The following TEX11 variants were observed in gnomAD, a reference collection of about 807,000 sequenced individuals.
The protein encoded by TEX11 is testis-expressed protein 11.
TEX11 carries 7 observed loss-of-function variants against 84.4 expected under a neutral mutation model. The ratio of observed to expected loss-of-function variants is 0.08; its 90% confidence interval spans 0.05 to 0.16. The LOEUF (loss-of-function observed/expected upper bound fraction) is 0.16, where lower values mean the gene tolerates loss of function less well. TEX11 is among the 10% of genes least tolerant of loss of function. The probability of loss-of-function intolerance (pLI) is 1.00; values close to 1 mark genes in which losing one functional copy is unlikely to be tolerated. For missense variants in TEX11, 551 were observed against 660.5 expected, an observed-to-expected ratio of 0.83 and a Z score of 1.82; for synonymous variants, 264 against 222.8, an observed-to-expected ratio of 1.18 and a Z score of -1.64.
At chrX:70,590,795 T>C (rs1035894012) in intron 25 of TEX11, among the ~76,000 whole-genome samples, 1 of 112,006 alleles carries the variant, frequency 8.9e-6, no homozygotes, top group Non-Finnish European at 1.9e-5. Flanking sequence ...TTGCCCAGGC[T>C]GGAGTGCAAT....
chrX:70,715,946 T>C (rs1162634116), intron 13 of TEX11, among the ~76,000 whole-genome samples: 1 of 112,770 alleles, frequency 8.9e-6, no homozygotes, highest in African/African-American at 3.2e-5. Context: ...TCTTTGATGA[T>C]GGTGACAAAC....
downstream of TEX11, among the ~76,000 whole-genome samples, chrX:70,528,130 G>A (rs2087840440): frequency 9.0e-6 from 1 of 111,539 alleles, no homozygotes; most frequent in South Asian, 3.8e-4. Context: ...CCTCGAAGGA[G>A]AAAAAGCCTG....
chrX:70,730,302 A>G (rs985654369), intron 11 of TEX11, among the ~76,000 whole-genome samples: 1 of 111,973 alleles, frequency 8.9e-6, no homozygotes, highest in Admixed American at 9.5e-5. Flanking sequence ...ACGCATAACA[A>G]CATTAACCTT....
intron 8 of TEX11, among the ~76,000 whole-genome samples, chrX:70,819,707 G>T (rs144823690): frequency 9.0e-6 from 1 of 111,554 alleles, no homozygotes; most frequent in Non-Finnish European, 1.9e-5. Flanking sequence ...AAAAAAGTTA[G>T]AACTAATAAA....
At chrX:70,848,568 G>A (rs1253095778) in intron 7 of TEX11, among the ~76,000 whole-genome samples, 1 of 111,425 alleles carries the variant, frequency 9.0e-6, no homozygotes, top group Non-Finnish European at 1.9e-5. Context: ...TCTTTTGATA[G>A]GATGGGGGGT....
intron 9 of TEX11, among the ~76,000 whole-genome samples, chrX:70,800,821 T>C (rs999570163): frequency 2.5e-4 from 27 of 108,971 alleles, no homozygotes; most frequent in Admixed American, 2.4e-3. Flanking sequence ...GCCTTTCAAG[T>C]AGCTGGGACT....
chrX:70,515,352 T>C, the TEX11 span, among the ~76,000 whole-genome samples: 1 of 103,407 alleles, frequency 9.7e-6, no homozygotes, highest in Non-Finnish European at 2.0e-5. Context: ...TTCCCACCTA[T>C]GAGTGAGAAC....
intron 2 of TEX11, among the ~76,000 whole-genome samples, chrX:70,880,901 G>A (rs2091678825): frequency 9.4e-6 from 1 of 106,066 alleles, no homozygotes; most frequent in Non-Finnish European, 1.9e-5. Flanking sequence ...TAGCTGGGCA[G>A]GATGCTCCAC....
chrX:70,837,584 A>G (rs767447546), intron 7 of TEX11, among the ~76,000 whole-genome samples: 1 of 110,553 alleles, frequency 9.0e-6, no homozygotes, highest in Non-Finnish European at 1.9e-5. Flanking sequence ...CAAACAAACA[A>G]AAAGAACAAA....
chrX:70,763,438 CAGAT>C (rs965766472), intron 9 of TEX11, among the ~76,000 whole-genome samples: 12 of 110,400 alleles, frequency 1.1e-4, no homozygotes, highest in South Asian at 3.9e-4. Flanking sequence ...TTTGGGGACT[CAGAT>C]GGAGGAAGAT....
At position 70,774,095 on chromosome X, in the gene TEX11, C is replaced by T. The variant is rs762490960; in HGVS notation, c.693-29876G>A. Among the ~76,000 whole-genome samples, 131 of 110,392 alleles carry T rather than the reference C, an allele frequency of 1.2e-3. 1 individual carries two copies. The highest frequency in any genetic ancestry group is 4.1e-3 in the African/African-American group (124 of 30,357). ...GGGAACTTGGCTGGGTCCCACACTC[C>T]TAAATCAGGAGCAGATACAGCAAGA... On this transcript the variant is annotated intron_variant, in intron 9 of 29. Transcript: ENST00000374333.
At chrX:70,864,728 C>A (rs10429806) in intron 4 of TEX11, among the ~76,000 whole-genome samples, 18,014 of 91,509 alleles carry the variant, frequency 0.2, 2,861 homozygotes, top group African/African-American at 0.46. Flanking sequence ...GGTGACAGAG[C>A]GAGATGCCAT....
chrX:70,727,526 T>C (rs1351643708), intron 11 of TEX11, among the ~76,000 whole-genome samples: 2 of 112,106 alleles, frequency 1.8e-5, no homozygotes, highest in Non-Finnish European at 3.8e-5. Context: ...GTAAACACCA[T>C]CCTGAATTTT....
chrX:70,858,172 G>A (rs1405590419), intron 5 of TEX11, among the ~76,000 whole-genome samples: 4 of 109,514 alleles, frequency 3.7e-5, no homozygotes, highest in Admixed American at 1.0e-4. Flanking sequence ...ACTCATGGCC[G>A]GATGCAGTGG....
chrX:70,521,112 C>T, the TEX11 span, among the ~76,000 whole-genome samples: 1 of 111,157 alleles, frequency 9.0e-6, no homozygotes, highest in East Asian at 2.8e-4. Flanking sequence ...GATGTCCCGC[C>T]CTGCTTCAGC....
chrX:70,600,308 T>C (rs1009413910), intron 24 of TEX11, among the ~76,000 whole-genome samples: 3 of 111,661 alleles, frequency 2.7e-5, no homozygotes, highest in African/African-American at 3.3e-5. Context: ...TTTGGCTGCA[T>C]AAATGTCTTC....
chrX:70,691,162 A>G (rs938371241), intron 13 of TEX11, among the ~76,000 whole-genome samples: 1 of 111,994 alleles, frequency 8.9e-6, no homozygotes, highest in Non-Finnish European at 1.9e-5. Flanking sequence ...AAGTCAAAAG[A>G]TAAGTGTTGG....
chrX:70,511,345 A>T, the TEX11 span, among the ~76,000 whole-genome samples: 1 of 112,536 alleles, frequency 8.9e-6, no homozygotes, highest in Non-Finnish European at 1.9e-5. Flanking sequence ...ATAGTGAGCA[A>T]AACAGATATG....
Position 70,907,808 on chromosome X carries a change from A to G in TEX11, c.-19T>C. On this transcript the variant is annotated splice_region_variant and 5_prime_UTR_variant, in exon 2 of 30. Coordinates refer to ENST00000374333, the MANE Select transcript of TEX11 (RefSeq NM_031276.3). ...TGTCCATTTTTAAATCTCTGGCTCA[A>G]GCCTGTGAAATAATAACATATTTTA... The G allele has an allele frequency of 8.8e-7, 1 of 1,140,592 alleles. No homozygotes were observed. Among genetic ancestry groups the G allele is most frequent in the East Asian group, 3.0e-5 (1 of 33,589 alleles). The allele number at this position is 1,140,592 out of a possible 1,213,427, so 94.0% of individuals were successfully genotyped here. A position where few individuals can be genotyped will look rare whatever the true frequency, so the allele number is the denominator to read the frequency against.
Sources: allele counts gnomAD v4.1 joint callset (sites outside exome capture counted in the v4.1 genomes callset), GRCh38; gene constraint gnomAD v4.1.1; transcripts MANE v1.5; gene names NCBI Gene and HGNC (gene_info 2026-07-23, HGNC 2026-07-21).